The following DNAJC10 variants were observed in gnomAD, a reference collection of about 807,000 sequenced individuals.
DNAJC10 encodes endoplasmic reticulum disulfide reductase DNAJC10.
Under a neutral mutation model 115.0 loss-of-function variants are expected in DNAJC10, and 101 were observed. The observed-to-expected ratio is 0.88, with a 90% confidence interval of 0.75 to 1.04. DNAJC10 has a LOEUF of 1.04. DNAJC10 is among the 50% of genes least tolerant of loss of function. The pLI is 0.00. For missense variants in DNAJC10, 981 were observed against 928.8 expected (o/e 1.06, Z -0.73); for synonymous variants, 307 against 301.5 (o/e 1.02, Z -0.19).
At position 182,741,331 on chromosome 2, in the gene DNAJC10, C is replaced by T. The variant is rs1208681162; in HGVS notation, c.1166C>T (p.Thr389Ile). ...SNDPELKKLK[T>I]LLKNDHIQVG... Reference sequence around the variant, plus strand: ...GATCCTGAGCTGAAAAAACTAAAAACTCTACTTAAAAATGATCATATTCAA... The same window carrying T: ...GATCCTGAGCTGAAAAAACTAAAAATTCTACTTAAAAATGATCATATTCAA... Residue 389 changes from threonine to isoleucine, a missense_variant, in exon 13 of 24, where the codon ACT becomes ATT. Transcript: ENST00000264065. 3.8e-6 allele frequency: 6 copies of T among 1,581,698 alleles called. No individual in the cohort carries two copies. The highest frequency in any genetic ancestry group is 5.2e-6 in the Non-Finnish European group (6 of 1,159,682).
intron 16 of DNAJC10, among the ~76,000 whole-genome samples, chr2:182,754,183 G>A (rs928822873): frequency 6.6e-6 from 1 of 152,118 alleles, no homozygotes; most frequent in Admixed American, 6.5e-5. Context: ...TTAAATTTTA[G>A]CTATAATTGC....
chr2:182,754,797 A>G, intron 16 of DNAJC10: 1 of 1,315,262 alleles, frequency 7.6e-7, no homozygotes, highest in Non-Finnish European at 9.7e-7. Context: ...AGCTATAAAT[A>G]AGGATCAGGT....
At chr2:182,741,076 T>G (rs1693722056) in intron 12 of DNAJC10, among the ~76,000 whole-genome samples, 167 bp from the exon 13 acceptor site, 1 of 152,186 alleles carries the variant, frequency 6.6e-6, no homozygotes, top group Non-Finnish European at 1.5e-5. Flanking sequence ...TTACATAGCA[T>G]TATTCTAAGT....
At chr2:182,768,019 G>T (rs1320168536) in intron 22 of DNAJC10, among the ~76,000 whole-genome samples, 4 of 152,094 alleles carry the variant, frequency 2.6e-5, no homozygotes, top group Non-Finnish European at 5.9e-5. Context: ...CCCACATTTT[G>T]AAGGAGAATT....
Position 182,780,163 on chromosome 2 carries a change from T to C in DNAJC10, c.*3031T>C, listed in dbSNP as rs1559033068. The C allele has an allele frequency of 6.6e-6, 1 of 152,110 alleles. No individual in the cohort carries two copies. Among genetic ancestry groups the C allele is most frequent in the Non-Finnish European group, 1.5e-5 (1 of 68,016 alleles). The allele number at this position is 152,110 out of a possible 1,614,324, so 9.4% of individuals were successfully genotyped here. A position where few individuals can be genotyped will look rare whatever the true frequency, so the allele number is the denominator to read the frequency against. On this transcript the variant is annotated 3_prime_UTR_variant, in exon 24 of 24. Transcript: ENST00000264065. ...ACCCAAATTCTTCTAGTGAAGAAGT[T>C]TGTAATATGGTTTGAGTATTTGTCC... is the stretch of plus-strand genomic sequence containing the variant.
intron 3 of DNAJC10, among the ~76,000 whole-genome samples, chr2:182,719,745 CTG>C (rs1374468470): frequency 6.7e-6 from 1 of 149,290 alleles, no homozygotes; most frequent in Non-Finnish European, 1.5e-5. Context: ...AACTCATGGT[CTG>C]ATAACGTCTG....
At chr2:182,728,390 T>A (rs922716700) in intron 5 of DNAJC10, among the ~76,000 whole-genome samples, 186 bp from the exon 6 acceptor site, 6 of 152,084 alleles carry the variant, frequency 3.9e-5, no homozygotes, top group African/African-American at 9.7e-5. Flanking sequence ...GGAAAAAAAA[T>A]TTTTAATTTT....
intron 14 of DNAJC10, among the ~76,000 whole-genome samples, chr2:182,747,175 G>C (rs1392709691): frequency 1.3e-5 from 2 of 150,522 alleles, no homozygotes; most frequent in Non-Finnish European, 3.0e-5. Flanking sequence ...GATGCCTCCA[G>C]CTTTGTTCTT....
chr2:182,722,720 C>G (rs753548409), intron 5 of DNAJC10, among the ~76,000 whole-genome samples: 2 of 152,082 alleles, frequency 1.3e-5, no homozygotes, highest in South Asian at 2.1e-4. Context: ...GCAGGCAGAT[C>G]GCTTGAGATC....
intron 22 of DNAJC10, among the ~76,000 whole-genome samples, chr2:182,764,176 C>T (rs546159794): frequency 6.6e-6 from 1 of 152,032 alleles, no homozygotes; most frequent in Non-Finnish European, 1.5e-5. Context: ...TAAATTTTGA[C>T]GGGTAATGAA....
At position 182,790,241 on chromosome 2, in the gene DNAJC10, T is replaced by A. The variant is rs1367420165; in HGVS notation, c.*13109T>A. The A allele has an allele frequency of 2.0e-5, 3 of 152,192 alleles. No individual in the cohort carries two copies. The highest frequency in any genetic ancestry group is 4.4e-5 in the Non-Finnish European group (3 of 68,038). The allele number at this position is 152,192 out of a possible 1,614,324, so 9.4% of individuals were successfully genotyped here. A position where few individuals can be genotyped will look rare whatever the true frequency, so the allele number is the denominator to read the frequency against. On this transcript the variant is annotated 3_prime_UTR_variant, in exon 24 of 24. Transcript: ENST00000264065. ...TTATCTTCCAAACTAGATTGTTAGG[T>A]CTTCAAGAGCAGAAGAAATTTATTT...
chr2:182,738,258 TGGG>T (rs879350654), intron 11 of DNAJC10, among the ~76,000 whole-genome samples: 203 of 152,216 alleles, frequency 1.3e-3, no homozygotes, highest in Non-Finnish European at 2.6e-3. Context: ...CTGTTTAGAA[TGGG>T]AGCATTGTGG....
intron 16 of DNAJC10, 157 bp from the exon 17 acceptor site, chr2:182,754,846 T>A (rs1694116427): frequency 1.5e-6 from 2 of 1,364,126 alleles, no homozygotes; most frequent in Non-Finnish European, 1.9e-6. Context: ...CCATAAGTCC[T>A]TTGCTAAATT....
chr2:182,751,130 CTTTTTTTTTT>C (rs773393648), intron 14 of DNAJC10, among the ~76,000 whole-genome samples: 26 of 85,182 alleles, frequency 3.1e-4, no homozygotes, highest in Middle Eastern at 0.014. Context: ...GAGATTTTGA[CTTTTTTTTTT>C]TTTTTTTTTT....
chr2:182,731,790 C>G (rs2105626328), intron 9 of DNAJC10, among the ~76,000 whole-genome samples: 1 of 152,278 alleles, frequency 6.6e-6, no homozygotes, highest in East Asian at 1.9e-4. Context: ...CAACCCATTA[C>G]CCCATCCTGT....
intron 18 of DNAJC10, 54 bp downstream of exon 18, chr2:182,756,523 TA>T: frequency 6.5e-7 from 1 of 1,529,148 alleles, no homozygotes; most frequent in Non-Finnish European, 8.9e-7. Flanking sequence ...AATGTTTATT[TA>T]ACAGAATTAT....
At chr2:182,760,284 G>A (rs942086269) in intron 21 of DNAJC10, among the ~76,000 whole-genome samples, 3 of 152,122 alleles carry the variant, frequency 2.0e-5, no homozygotes, top group Non-Finnish European at 2.9e-5. Flanking sequence ...CAGTTAATCA[G>A]TGTCACCTGG....
At chr2:182,753,815 C>T (rs1694089146) in intron 16 of DNAJC10, among the ~76,000 whole-genome samples, 2 of 152,046 alleles carry the variant, frequency 1.3e-5, no homozygotes, top group South Asian at 2.1e-4. Context: ...ATCTCCTGAC[C>T]TCGTGATCCT....
chr2:182,788,711 T>G lies in DNAJC10; in HGVS notation c.*11579T>G, dbSNP rs1449157634. 2 of 426,150 alleles carry G rather than the reference T, an allele frequency of 4.7e-6. No individual in the cohort carries two copies. The highest frequency in any genetic ancestry group is 9.2e-6 in the Non-Finnish European group (2 of 216,684). 26.4% of individuals were successfully genotyped at this position (426,150 alleles called of 1,614,324 possible). A position where few individuals can be genotyped will look rare whatever the true frequency, so the allele number is the denominator to read the frequency against. On this transcript the variant is annotated 3_prime_UTR_variant, in exon 24 of 24. Transcript: ENST00000264065. ...CCACAGCACAAGTAACGTCTATTTA[T>G]CTCAGAGGAAATCCAGGGAAGTTCC...
Sources: allele counts gnomAD v4.1 joint callset (sites outside exome capture counted in the v4.1 genomes callset), GRCh38; gene constraint gnomAD v4.1.1; transcripts MANE v1.5; gene names NCBI Gene and HGNC (gene_info 2026-07-23, HGNC 2026-07-21).